MEPE: variants seen among roughly 807,000 people sequenced by gnomAD.
MEPE encodes the protein matrix, extracellular phosphoglycoprotein with ASARM motif (bone).
Under a neutral mutation model 7.3 loss-of-function variants are expected in MEPE, and 7 were observed. The ratio of observed to expected loss-of-function variants is 0.95; its 90% CI spans 0.54 to 1.79. The LOEUF (loss-of-function observed/expected upper bound fraction) is 1.79. MEPE is among the 40% of genes most tolerant of loss of function. The pLI, the probability that MEPE is intolerant of heterozygous loss-of-function variation, is 0.00. For missense variants in MEPE, 623 were observed against 628.2 expected, an observed-to-expected ratio of 0.99 and a Z score of 0.09; for synonymous variants, 214 against 213.1, an observed-to-expected ratio of 1.00 and a Z score of -0.04.
chr4:87,845,720 G>T lies in MEPE; in HGVS notation c.852G>T (p.Gly284=). 6.2e-7 allele frequency: 1 copy of T among 1,613,864 alleles called. No homozygotes were observed. Among genetic ancestry groups the T allele is most frequent in the South Asian group, 1.1e-5 (1 of 91,070 alleles). The change falls in exon 4 of 4, where the codon GGG becomes GGT. Residue 284 remains glycine, a synonymous_variant. Transcript: ENST00000361056. Reference sequence around the variant, plus strand: ...TAGAAGGCAAAGATATTCAAACAGGGTTTGCAGGCCCAAGTGAAGCTGAGA... The same window carrying T: ...TAGAAGGCAAAGATATTCAAACAGGTTTTGCAGGCCCAAGTGAAGCTGAGA... ...PDLEGKDIQT[G]FAGPSEAEST... is the part of the protein sequence containing the mutation.
upstream of MEPE, among the ~76,000 whole-genome samples, chr4:87,830,381 T>C (rs1180099674): frequency 6.6e-6 from 1 of 152,176 alleles, no homozygotes; most frequent in Admixed American, 6.5e-5. Flanking sequence ...GTATACACCA[T>C]GGAATATTAT....
chr4:87,845,817 A>G lies in MEPE; in HGVS notation c.949A>G (p.Ile317Val), dbSNP rs61731014. ...GAGAGAAGAAAATGGTGGAAATACC[A>G]TTGGAACTAGGGATGAAACTGCGAA... is the stretch of plus-strand genomic sequence containing the variant. ...PEREENGGNTIGTRDETAKEA... is the reference protein window; with the variant it reads ...PEREENGGNTVGTRDETAKEA... The change falls in exon 4 of 4, where the codon ATT becomes GTT. Residue 317 changes from isoleucine (I) to valine (V), a missense_variant. Physicochemically the swap from Ile to Val is conservative, Grantham distance 29. Transcript: ENST00000361056. The G allele has an allele frequency of 0.021, 33,206 of 1,613,992 alleles. 431 individuals are homozygous for G. Among genetic ancestry groups the G allele is most frequent in the Middle Eastern group, 0.031 (186 of 6,062 alleles).
intron 2 of MEPE, among the ~76,000 whole-genome samples, chr4:87,838,133 G>T (rs934176148): frequency 2.0e-5 from 3 of 152,092 alleles, no homozygotes; most frequent in African/African-American, 7.2e-5. Context: ...AACGGCTATG[G>T]TTTGACTCTC....
intron 1 of MEPE, among the ~76,000 whole-genome samples, chr4:87,826,584 T>G (rs1722476588): frequency 6.6e-6 from 1 of 152,136 alleles, no homozygotes; most frequent in South Asian, 2.1e-4. Flanking sequence ...TCCACAATGG[T>G]TAACTAATTT....
chr4:87,839,918 C>A lies in MEPE; in HGVS notation c.108+1233C>A, dbSNP rs372621738. ...GGCTGGCACTTTTGTCCCTTCCCTC[C>A]CTCCCCAGGCTCCTCAAGCCTCTCT... On this transcript the variant is annotated intron_variant, in intron 3 of 3. Transcript: ENST00000361056. The A allele has an allele frequency of 4.6e-4, 707 of 1,537,154 alleles. 5 individuals are homozygous for A. In the South Asian group the frequency reaches 4.8e-3, roughly 10 times the overall value.
chr4:87,839,753 G>A (rs1722942277), intron 3 of MEPE: 2 of 1,550,124 alleles, frequency 1.3e-6, no homozygotes, highest in Non-Finnish European at 1.7e-6. Context: ...TGTCACCTGA[G>A]AAGAAAAATC....
chr4:87,845,011 A>G lies in MEPE; in HGVS notation c.143A>G (p.His48Arg). 1 of 1,585,362 alleles carries G rather than the reference A, an allele frequency of 6.3e-7. No individual in the cohort carries two copies. Among genetic ancestry groups the G allele is most frequent in the South Asian group, 1.2e-5 (1 of 84,290 alleles). Residue 48 changes from histidine (H) to arginine (R), a missense_variant, in exon 4 of 4, where the codon CAC (histidine) becomes CGC (arginine). Coordinates refer to ENST00000361056, the MANE Select transcript of MEPE (RefSeq NM_020203.6). The part of the protein sequence containing the change: ...EEKNKDNIGF[H>R]HLGKRINQEL... The stretch of plus-strand genomic sequence containing the variant: ...AAAAACAAAGACAATATTGGTTTTC[A>G]CCATTTGGGCAAGAGAATAAATCAA...
chr4:87,841,112 A>G (rs924610258), intron 3 of MEPE, among the ~76,000 whole-genome samples: 3 of 152,232 alleles, frequency 2.0e-5, no homozygotes, highest in African/African-American at 7.2e-5. Flanking sequence ...TCATTAGTGT[A>G]CATGTTACTT....
At position 87,845,241 on chromosome 4, in the gene MEPE, G is replaced by A. The variant is rs778403716; in HGVS notation, c.373G>A (p.Gly125Arg). Residue 125 changes from glycine to arginine, a missense_variant, in exon 4 of 4, where the codon GGG becomes AGG. By Grantham distance (125) the Gly-to-Arg change is moderately radical (BLOSUM62 -2). Coordinates refer to ENST00000361056, the MANE Select transcript of MEPE (RefSeq NM_020203.6). ...SIYPKSTGNK[G>R]FEDGDDAISK... is the part of the protein sequence containing the mutation. ...TTATCCTAAGTCAACTGGGAATAAA[G>A]GGTTTGAGGATGGAGATGATGCTAT... is the stretch of plus-strand genomic sequence containing the variant. 1 of 1,614,018 alleles carries A rather than the reference G, an allele frequency of 6.2e-7. No individual in the cohort carries two copies. Among genetic ancestry groups the A allele is most frequent in the Non-Finnish European group, 8.5e-7 (1 of 1,179,956 alleles).
chr4:87,828,977 T>C (rs1722535505), upstream of MEPE, among the ~76,000 whole-genome samples: 2 of 152,188 alleles, frequency 1.3e-5, no homozygotes, highest in African/African-American at 4.8e-5. Flanking sequence ...TACAGACTCC[T>C]GGTTTTAACT....
upstream of MEPE, among the ~76,000 whole-genome samples, chr4:87,831,875 C>G (rs934086654): frequency 6.6e-6 from 1 of 152,030 alleles, no homozygotes; most frequent in African/African-American, 2.4e-5. Context: ...TTCCCATAGA[C>G]AGTCATATGG....
Position 87,846,276 on chromosome 4 carries a change from C to T in MEPE, c.1408C>T (p.His470Tyr), listed in dbSNP as rs1378723644. 6.2e-7 allele frequency: 1 copy of T among 1,613,972 alleles called. No homozygotes were observed. The highest frequency in any genetic ancestry group is 1.1e-5 in the South Asian group (1 of 91,076). ...TATAATAACACATGGCAGAAAATAT[C>T]ATTATGTACCCCACAGACAAAATAA... ...ENIITHGRKYHYVPHRQNNST... is the reference protein window; with the variant it reads ...ENIITHGRKYYYVPHRQNNST... The change falls in exon 4 of 4, where the codon CAT becomes TAT. Residue 470 changes from histidine (H) to tyrosine (Y), a missense_variant. By Grantham distance (83) the His-to-Tyr change is moderately conservative. Transcript: ENST00000361056.
chr4:87,825,993 G>A (rs114116372), intron 1 of MEPE, among the ~76,000 whole-genome samples: 10,051 of 152,162 alleles, frequency 0.066, 1,119 homozygotes, highest in African/African-American at 0.23. Context: ...TGGCTCCATC[G>A]ATGTCCCTGC....
rs753257600 is a variant in MEPE, at chr4:87,845,720, G to A, written c.852G>A (p.Gly284=). ...TAGAAGGCAAAGATATTCAAACAGG[G>A]TTTGCAGGCCCAAGTGAAGCTGAGA... ...PDLEGKDIQT[G]FAGPSEAEST... The change falls in exon 4 of 4, where the codon GGG becomes GGA. Residue 284 remains glycine, a synonymous_variant. Coordinates refer to ENST00000361056, the MANE Select transcript of MEPE (RefSeq NM_020203.6). 1.2e-6 allele frequency: 2 copies of A among 1,613,864 alleles called. No homozygotes were observed. The highest frequency in any genetic ancestry group is 1.7e-4 in the Middle Eastern group (1 of 6,056).
At chr4:87,840,038 A>G in intron 3 of MEPE, 1 of 1,535,352 alleles carries the variant, frequency 6.5e-7, no homozygotes. Context: ...TGCAGGTGTG[A>G]TACTCATGGA....
At chr4:87,826,380 G>GTTTTTTTTTTTTTT (rs34088812) in intron 1 of MEPE, among the ~76,000 whole-genome samples, 1 of 146,782 alleles carries the variant, frequency 6.8e-6, no homozygotes, top group Non-Finnish European at 1.5e-5. Flanking sequence ...CACCACAACA[G>GTTTTTTTTTTTTTT]TTTTTTTTTT....
At chr4:87,840,393 T>C (rs1722970570) in intron 3 of MEPE, among the ~76,000 whole-genome samples, 1 of 152,238 alleles carries the variant, frequency 6.6e-6, no homozygotes, top group Non-Finnish European at 1.5e-5. Flanking sequence ...TATTTACTTT[T>C]TCCAAATCTG....
intron 3 of MEPE, among the ~76,000 whole-genome samples, chr4:87,844,239 A>G (rs557519453): frequency 6.6e-6 from 1 of 152,268 alleles, no homozygotes; most frequent in South Asian, 2.1e-4. Context: ...GGTATAGTCA[A>G]TCTCAGCTCT....
intron 1 of MEPE, among the ~76,000 whole-genome samples, chr4:87,827,557 G>A (rs1241171733): frequency 6.6e-6 from 1 of 152,140 alleles, no homozygotes; most frequent in African/African-American, 2.4e-5. Flanking sequence ...AGCAACCTCT[G>A]AAAAAGACTA....
Sources: allele counts gnomAD v4.1 joint callset (sites outside exome capture counted in the v4.1 genomes callset), GRCh38; gene constraint gnomAD v4.1.1; transcripts MANE v1.5; gene names NCBI Gene and HGNC (gene_info 2026-07-23, HGNC 2026-07-21).